The following DOCK1 variants were observed in gnomAD, a reference collection of about 807,000 sequenced individuals.
DOCK1 encodes dedicator of cytokinesis protein 1.
Under a neutral mutation model 262.7 loss-of-function variants are expected in DOCK1, and 138 were observed. The observed-to-expected ratio is 0.53, with a 90% CI of 0.46 to 0.61. The LOEUF is 0.61. DOCK1 is among the 20% of genes least tolerant of loss of function. The pLI is 0.00. For synonymous variants in DOCK1, 866 were observed against 867.4 expected (o/e 1.00, Z 0.03); for missense variants, 1,908 against 2,370.7 (o/e 0.80, Z 4.05).
intron 24 of DOCK1, among the ~76,000 whole-genome samples, chr10:127,108,626 C>G (rs1278628536): frequency 6.6e-6 from 1 of 152,176 alleles, no homozygotes; most frequent in East Asian, 1.9e-4. Context: ...TTGTGATCAG[C>G]TCCTGCACTT....
chr10:127,246,229 T>C (rs1248319832), intron 27 of DOCK1, among the ~76,000 whole-genome samples: 2 of 152,222 alleles, frequency 1.3e-5, no homozygotes, highest in Non-Finnish European at 2.9e-5. Flanking sequence ...ACCTGTCTTA[T>C]AGTCCTAGAG....
chr10:126,932,439 A>G (rs1422405086), intron 1 of DOCK1, among the ~76,000 whole-genome samples: 1 of 152,238 alleles, frequency 6.6e-6, no homozygotes, highest in Non-Finnish European at 1.5e-5. Context: ...AACCCAATCA[A>G]CAGGCTGATA....
intron 27 of DOCK1, among the ~76,000 whole-genome samples, chr10:127,174,067 G>C (rs1344952543): frequency 6.6e-6 from 1 of 152,190 alleles, no homozygotes; most frequent in Non-Finnish European, 1.5e-5. Flanking sequence ...ATTCTTTGCA[G>C]TCAGCAAACT....
chr10:126,950,150 G>A (rs1320006544), intron 1 of DOCK1, among the ~76,000 whole-genome samples: 5 of 152,136 alleles, frequency 3.3e-5, no homozygotes, highest in South Asian at 4.2e-4. Flanking sequence ...GGTAGTCCAC[G>A]AGAAGCAGTC....
At position 127,169,889 on chromosome 10, in the gene DOCK1, C is replaced by G. The variant is rs117608872; in HGVS notation, c.2847+42125C>G. 2.7e-4 allele frequency among the ~76,000 whole-genome samples: 41 copies of G among 152,230 alleles called. 1 individual carries two copies. The East Asian group carries it at 7.6e-3, about 28-fold the overall frequency. ...AACCTTGGTACAGGATACCACACTTCGTCTGTATTAACTCGTTCCATCCCT... is the reference window on the plus strand; with the variant it reads ...AACCTTGGTACAGGATACCACACTTGGTCTGTATTAACTCGTTCCATCCCT... On this transcript the variant is annotated intron_variant, in intron 27 of 51. Transcript: ENST00000623213.
At chr10:126,922,782 T>G in intron 1 of DOCK1, among the ~76,000 whole-genome samples, 1 of 152,188 alleles carries the variant, frequency 6.6e-6, no homozygotes, top group Non-Finnish European at 1.5e-5. Context: ...TTAAAATGGT[T>G]AATTTTCTGT....
intron 23 of DOCK1, among the ~76,000 whole-genome samples, chr10:127,080,616 G>T (rs986530350): frequency 6.6e-6 from 1 of 152,012 alleles, no homozygotes; most frequent in Non-Finnish European, 1.5e-5. Context: ...TCATGACATC[G>T]TGCAGAGCTG....
At chr10:126,962,938 G>A (rs1040860072) in intron 1 of DOCK1, among the ~76,000 whole-genome samples, 6 of 149,388 alleles carry the variant, frequency 4.0e-5, no homozygotes, top group Non-Finnish European at 8.9e-5. Context: ...ATTTTTTTTT[G>A]CAAGTGGATA....
rs376410779 is a variant in DOCK1 at position 127,026,363 on chromosome 10, C to A, written c.1563C>A (p.Pro521=). ...RWFETVKVAI[P]IEDVNRSHLR... The stretch of plus-strand genomic sequence containing the variant: ...TTCAATTCTTGAAGGTGGCCATTCC[C>A]ATCGAGGACGTTAACCGCAGTCACC... The change falls in exon 16 of 52, where the codon CCC becomes CCA. Residue 521 remains proline (P), a synonymous_variant. Coordinates refer to ENST00000623213, the MANE Select transcript of DOCK1 (RefSeq NM_001290223.2). The A allele has an allele frequency of 6.4e-7, 1 of 1,568,660 alleles. No individual in the cohort carries two copies. The highest frequency in any genetic ancestry group is 8.7e-7 in the Non-Finnish European group (1 of 1,155,236).
intron 49 of DOCK1, among the ~76,000 whole-genome samples, chr10:127,439,754 C>A (rs1253804108): frequency 6.6e-6 from 1 of 152,156 alleles, no homozygotes; most frequent in African/African-American, 2.4e-5. Flanking sequence ...ACCTTTAAAT[C>A]TCCTGGCCGT....
Position 127,012,358 on chromosome 10 carries a change from C to T in DOCK1, c.1185C>T (p.Val395=). 1 of 1,614,006 alleles carries T rather than the reference C, an allele frequency of 6.2e-7. No individual in the cohort carries two copies. The highest frequency in any genetic ancestry group is 8.5e-7 in the Non-Finnish European group (1 of 1,179,884). The stretch of plus-strand genomic sequence containing the variant: ...ACAAAGTCATCGCTGCCAAAGAAGT[C>T]AACCACAAGGGGCAGGGTACGTATT... ...VINKVIAAKE[V]NHKGQGLWVT... The change falls in exon 12 of 52, where the codon GTC becomes GTT. Residue 395 remains valine (V), a synonymous_variant. Transcript: ENST00000623213. This position sits in a 1 kb window ranked among gnomAD's most constrained non-coding sequence, Gnocchi z 4.0.
intron 47 of DOCK1, among the ~76,000 whole-genome samples, chr10:127,430,440 A>G (rs1265184012): frequency 2.0e-5 from 3 of 152,198 alleles, no homozygotes; most frequent in African/African-American, 7.2e-5. Context: ...GAGGAGAAGC[A>G]GTGTGGCATG....
rs574978022 is a variant in DOCK1, at chr10:127,374,189, G to A, written c.3650G>A (p.Arg1217His). 35 of 1,612,920 alleles carry A rather than the reference G, an allele frequency of 2.2e-5. No homozygotes were observed. The highest frequency in any genetic ancestry group is 1.2e-4 in the South Asian group (11 of 90,702). ...TIMHDENKEN[R>H]MSCTVNVLNF... Reference sequence around the variant, plus strand: ...ATGCACGACGAGAACAAAGAAAACCGCATGAGCTGCACCGTCAATGTGCTG... The same window carrying A: ...ATGCACGACGAGAACAAAGAAAACCACATGAGCTGCACCGTCAATGTGCTG... Residue 1217 changes from arginine to histidine, a missense_variant, in exon 35 of 52, where the codon CGC (arginine) becomes CAC (histidine). Arg to His is a conservative substitution (Grantham distance 29). Coordinates refer to ENST00000623213, the MANE Select transcript of DOCK1 (RefSeq NM_001290223.2).
chr10:127,128,782 G>A (rs2050132292), intron 27 of DOCK1, among the ~76,000 whole-genome samples: 1 of 152,064 alleles, frequency 6.6e-6, no homozygotes, highest in African/African-American at 2.4e-5. Flanking sequence ...TCTTTATTCA[G>A]ACACATGTAC....
intron 27 of DOCK1, among the ~76,000 whole-genome samples, chr10:127,188,888 G>A (rs1177632092): frequency 6.6e-6 from 1 of 152,238 alleles, no homozygotes; most frequent in Non-Finnish European, 1.5e-5. Context: ...AGGTAGTGGA[G>A]TCACATGCCA....
intron 29 of DOCK1, among the ~76,000 whole-genome samples, chr10:127,273,143 A>G (rs952903603): frequency 6.6e-6 from 1 of 152,204 alleles, no homozygotes; most frequent in Admixed American, 6.5e-5. Context: ...GGAAAACACT[A>G]AAGTGAAGTT....
At chr10:127,314,590 TTGTTTTTGTTGA>T (rs1333163661) in intron 29 of DOCK1, among the ~76,000 whole-genome samples, 3,441 of 152,344 alleles carry the variant, frequency 0.023, 133 homozygotes, top group African/African-American at 0.078. Flanking sequence ...AGATCCTGTT[TTGTTTTTGTTGA>T]AACACTAGGT....
In DOCK1 at chr10:127,176,168, C is replaced by T. The variant is rs1415568867; in HGVS notation, c.2847+48404C>T. 2 of 1,614,092 alleles carry T rather than the reference C, an allele frequency of 1.2e-6. No individual in the cohort carries two copies. Among genetic ancestry groups the T allele is most frequent in the East Asian group, 2.2e-5 (1 of 44,842 alleles). On this transcript the variant is annotated intron_variant, in intron 27 of 51. Coordinates refer to ENST00000623213, the MANE Select transcript of DOCK1 (RefSeq NM_001290223.2). This position sits in a 1 kb window ranked among gnomAD's most constrained non-coding sequence, Gnocchi z 4.4. ...GGTAGGCTGCTCTGCAGGACACGGG[C>T]TTGGCCTCCCGCTTCTCCCCCAGCT... is the stretch of plus-strand genomic sequence containing the variant.
intron 47 of DOCK1, among the ~76,000 whole-genome samples, chr10:127,431,942 G>A (rs114108341): frequency 0.013 from 2,017 of 152,230 alleles, 32 homozygotes; most frequent in African/African-American, 0.042. Flanking sequence ...GAGCATTACT[G>A]TCTGAGCTCT....
Sources: gnomAD v4.1 joint callset for allele counts (sites outside exome capture counted in the v4.1 genomes callset) on GRCh38, gnomAD v4.1.1 for gene constraint, Gnocchi (gnomAD v3.1) non-coding constraint, MANE v1.5 for transcripts, NCBI Gene and HGNC (gene_info 2026-07-23, HGNC 2026-07-21) for gene names.